The following ERBB4 variants were observed in gnomAD, a reference collection of about 807,000 sequenced individuals.
ERBB4 encodes the protein receptor tyrosine-protein kinase erbB-4.
In ERBB4, 42 loss-of-function variants were observed where a neutral mutation model predicts 158.0. The ratio of observed to expected loss-of-function variants is 0.27; its 90% CI spans 0.21 to 0.34. ERBB4 has a LOEUF of 0.34. ERBB4 is among the 10% of genes least tolerant of loss of function. The probability of loss-of-function intolerance (pLI) is 1.00; values close to 1 mark genes in which losing one functional copy is unlikely to be tolerated. For synonymous variants in ERBB4, 583 were observed against 558.7 expected (o/e 1.04, Z -0.61); for missense variants, 1,333 against 1,624.1 (o/e 0.82, Z 3.08).
intron 20 of ERBB4, among the ~76,000 whole-genome samples, chr2:211,485,964 A>G (rs1260867370): frequency 6.6e-6 from 1 of 152,126 alleles, no homozygotes. Flanking sequence ...AAGAGAATGT[A>G]TTATGATTTC....
At chr2:211,784,753 G>A (rs921431017) in intron 4 of ERBB4, among the ~76,000 whole-genome samples, 12 of 151,828 alleles carry the variant, frequency 7.9e-5, no homozygotes, top group African/African-American at 2.9e-4. Flanking sequence ...CCTCACATTT[G>A]TTATTTTCTT....
intron 3 of ERBB4, among the ~76,000 whole-genome samples, chr2:211,892,850 C>G (rs1575330600): frequency 7.0e-6 from 1 of 142,840 alleles, no homozygotes; most frequent in Admixed American, 6.9e-5. Flanking sequence ...ATCCAACTTA[C>G]AAGGGATGTG....
intron 1 of ERBB4, among the ~76,000 whole-genome samples, chr2:212,391,086 A>G (rs1337017342): frequency 6.6e-6 from 1 of 151,758 alleles, no homozygotes; most frequent in Non-Finnish European, 1.5e-5. Flanking sequence ...ACCACCATCC[A>G]TGAACTAATA....
chr2:212,306,081 T>A (rs1054870625), intron 1 of ERBB4, among the ~76,000 whole-genome samples: 1 of 151,496 alleles, frequency 6.6e-6, no homozygotes, highest in South Asian at 2.1e-4. Context: ...ACATATATAC[T>A]GATAAACATT....
At chr2:212,441,639 T>G (rs1386694677) in intron 1 of ERBB4, among the ~76,000 whole-genome samples, 2 of 152,134 alleles carry the variant, frequency 1.3e-5, no homozygotes, top group Non-Finnish European at 2.9e-5. Context: ...TGAATTTATT[T>G]ATTTGAGCCC....
At position 212,296,399 on chromosome 2, in the gene ERBB4, T is replaced by TA. The variant is rs375191048; in HGVS notation, c.83-171497dup. On this transcript the variant is annotated intron_variant, in intron 1 of 27. Coordinates refer to ENST00000342788, the MANE Select transcript of ERBB4 (RefSeq NM_005235.3). ...GAGAGAATTTCATCTGCTTCTAATCTAAAAAAAAAAGACATTGACATATTC... is the reference window on the plus strand; with the variant it reads ...GAGAGAATTTCATCTGCTTCTAATCTAAAAAAAAAAAGACATTGACATATTC... 3.1e-3 allele frequency among the ~76,000 whole-genome samples: 454 copies of TA among 147,094 alleles called. 2 individuals are homozygous for TA. Among genetic ancestry groups the TA allele is most frequent in the African/African-American group, 7.4e-3 (298 of 40,244 alleles).
intron 1 of ERBB4, among the ~76,000 whole-genome samples, chr2:212,376,109 C>A (rs1026028768): frequency 6.6e-6 from 1 of 152,070 alleles, no homozygotes; most frequent in Non-Finnish European, 1.5e-5. Context: ...GTTGAGCTTA[C>A]GCAATTCTGA....
At chr2:212,396,845 T>C (rs2091041204) in intron 1 of ERBB4, among the ~76,000 whole-genome samples, 2 of 152,136 alleles carry the variant, frequency 1.3e-5, no homozygotes, top group African/African-American at 2.4e-5. Flanking sequence ...AAGATAAAGT[T>C]TAAGAATTTC....
intron 19 of ERBB4, among the ~76,000 whole-genome samples, chr2:211,589,946 G>A (rs1157493928): frequency 1.3e-5 from 2 of 152,092 alleles, no homozygotes; most frequent in Admixed American, 1.3e-4. Context: ...TGCCTCAATA[G>A]GTACAGTTCC....
chr2:212,328,680 T>G (rs528700987), intron 1 of ERBB4, among the ~76,000 whole-genome samples: 11 of 152,164 alleles, frequency 7.2e-5, no homozygotes, highest in Admixed American at 5.2e-4. Flanking sequence ...TGTGGGGAAT[T>G]CATACTGATA....
At chr2:211,445,750 C>T (rs1156706563) in intron 20 of ERBB4, among the ~76,000 whole-genome samples, 2 of 152,094 alleles carry the variant, frequency 1.3e-5, no homozygotes, top group Non-Finnish European at 2.9e-5. Flanking sequence ...AAATTAGGCT[C>T]TTAAAACTAA....
At chr2:211,600,260 C>G (rs1438415094) in intron 19 of ERBB4, among the ~76,000 whole-genome samples, 1 of 152,132 alleles carries the variant, frequency 6.6e-6, no homozygotes, top group African/African-American at 2.4e-5. Context: ...TGCATTTTCT[C>G]TGCTCCTTCC....
chr2:212,488,189 A>C (rs943796049), intron 1 of ERBB4, among the ~76,000 whole-genome samples: 1 of 150,800 alleles, frequency 6.6e-6, no homozygotes, highest in South Asian at 2.1e-4. Flanking sequence ...CCTTTGAATC[A>C]CTCCTTTTAT....
chr2:212,219,078 G>A (rs991030601), intron 1 of ERBB4, among the ~76,000 whole-genome samples: 10 of 151,124 alleles, frequency 6.6e-5, no homozygotes, highest in African/African-American at 2.4e-4. Context: ...TTTAAAGAAA[G>A]GAAAGAATAG....
intron 13 of ERBB4, among the ~76,000 whole-genome samples, chr2:211,677,533 A>T (rs1459208111): frequency 6.6e-6 from 1 of 151,100 alleles, no homozygotes; most frequent in Non-Finnish European, 1.5e-5. Flanking sequence ...ATTGCACTCC[A>T]GCCTGGGCAA....
At chr2:211,884,443 T>C (rs763156253) in intron 3 of ERBB4, among the ~76,000 whole-genome samples, 1 of 152,184 alleles carries the variant, frequency 6.6e-6, no homozygotes, top group African/African-American at 2.4e-5. Context: ...TACTTTTATT[T>C]TTCCCTCTAT....
intron 2 of ERBB4, among the ~76,000 whole-genome samples, chr2:212,090,241 C>T (rs1269265550): frequency 1.3e-5 from 2 of 151,902 alleles, no homozygotes; most frequent in Non-Finnish European, 2.9e-5. Flanking sequence ...AACAAAAATA[C>T]AATGCAATTG....
At chr2:211,568,299 G>A (rs1460045397) in intron 19 of ERBB4, among the ~76,000 whole-genome samples, 2 of 151,968 alleles carry the variant, frequency 1.3e-5, no homozygotes, top group Non-Finnish European at 2.9e-5. Flanking sequence ...AGGGACTACT[G>A]AGGTATAGAT....
chr2:212,267,516 G>A (rs1376026339), intron 1 of ERBB4, among the ~76,000 whole-genome samples: 1 of 151,202 alleles, frequency 6.6e-6, no homozygotes, highest in Non-Finnish European at 1.5e-5. Context: ...GAGAAACTCA[G>A]CATTGAAATA....
Sources: allele counts gnomAD v4.1 joint callset (sites outside exome capture counted in the v4.1 genomes callset), GRCh38; gene constraint gnomAD v4.1.1; transcripts MANE v1.5; gene names NCBI Gene and HGNC (gene_info 2026-07-23, HGNC 2026-07-21).